The following PDE1C variants were observed in gnomAD, a reference collection of about 807,000 sequenced individuals.
PDE1C encodes the protein phosphodiesterase 1C.
A neutral mutation model predicts 93.1 loss-of-function variants in PDE1C; 62 were observed. The ratio of observed to expected loss-of-function variants is 0.67; its 90% CI spans 0.54 to 0.82. PDE1C has a LOEUF of 0.82. PDE1C is among the 40% of genes least tolerant of loss of function. PDE1C has a pLI of 0.00. For synonymous variants in PDE1C, 325 were observed against 310.1 expected, an observed-to-expected ratio of 1.05 and a Z score of -0.50; for missense variants, 742 against 884.6, an observed-to-expected ratio of 0.84 and a Z score of 2.04.
chr7:32,419,269 T>G (rs1431812205), intron 1 of PDE1C, among the ~76,000 whole-genome samples: 6 of 152,220 alleles, frequency 3.9e-5, no homozygotes, highest in Non-Finnish European at 2.9e-5. Flanking sequence ...AATTCATATA[T>G]TGTTCAAGTT....
the PDE1C span, chr7:31,643,247 G>A: frequency 1.2e-6 from 2 of 1,613,792 alleles, no homozygotes; most frequent in Non-Finnish European, 1.7e-6. Context: ...AGTGGATTCT[G>A]TCCTCACACC....
chr7:31,699,393 A>AT, the PDE1C span, among the ~76,000 whole-genome samples: 2 of 152,160 alleles, frequency 1.3e-5, no homozygotes, highest in Non-Finnish European at 2.9e-5. Flanking sequence ...TTCACAGAGG[A>AT]TTTTTTGGCA....
At chr7:32,082,455 C>G (rs961145713) in intron 3 of PDE1C, among the ~76,000 whole-genome samples, 3 of 152,386 alleles carry the variant, frequency 2.0e-5, no homozygotes, top group African/African-American at 7.2e-5. Flanking sequence ...AACAAAAAGA[C>G]AGCAGTAAAC....
rs115346178 is a variant in PDE1C, at chr7:32,168,764, C to T, written c.308+1021G>A. 1.0e-2 allele frequency among the ~76,000 whole-genome samples: 1,521 copies of T among 152,318 alleles called. 28 individuals are homozygous for T. Among genetic ancestry groups the T allele is most frequent in the African/African-American group, 0.034 (1,429 of 41,560 alleles). On this transcript the variant is annotated intron_variant, in intron 3 of 18. Coordinates refer to the PDE1C transcript ENST00000396193. ...AAGAAATCCAAACCCCTATTTAGCA[C>T]TCCTTTCAGAACTCATCTGTAATTC...
At chr7:32,140,439 T>C (rs918509928) in intron 3 of PDE1C, among the ~76,000 whole-genome samples, 4 of 152,234 alleles carry the variant, frequency 2.6e-5, no homozygotes, top group Admixed American at 2.0e-4. Context: ...TTTCACATCA[T>C]CTGTGGATTC....
chr7:31,872,315 T>G (rs1296998035), intron 6 of PDE1C, among the ~76,000 whole-genome samples: 1 of 152,082 alleles, frequency 6.6e-6, no homozygotes, highest in Non-Finnish European at 1.5e-5. Context: ...TAATGTTCAG[T>G]AGCAGAATAG....
chr7:32,032,532 C>T (rs76013699), intron 2 of PDE1C, among the ~76,000 whole-genome samples: 1 of 152,276 alleles, frequency 6.6e-6, no homozygotes, highest in African/African-American at 2.4e-5. Flanking sequence ...CCAAAAGGCA[C>T]ATGTAAATAC....
chr7:32,291,117 A>C lies in PDE1C; in HGVS notation c.85+7534T>G, dbSNP rs552201366. The stretch of plus-strand genomic sequence containing the variant: ...TAACACCCTAGGAGGTAGGTAATAT[A>C]ATTGTCTACATTTAACAGATGAGCA... On this transcript the variant is annotated intron_variant, in intron 1 of 18. Coordinates refer to the PDE1C transcript ENST00000396193. Among the ~76,000 whole-genome samples, 141 of 152,346 alleles carry C rather than the reference A, an allele frequency of 9.3e-4. 1 individual carries two copies. Among genetic ancestry groups the C allele is most frequent in the African/African-American group, 3.2e-3 (134 of 41,588 alleles).
upstream of PDE1C, chr7:32,070,746 A>T (rs559047581): frequency 7.5e-5 from 81 of 1,076,874 alleles, no homozygotes; most frequent in South Asian, 2.3e-3. Flanking sequence ...CCCCAAACAA[A>T]GCCACAGAAG....
At chr7:32,131,175 T>A (rs185983828) in intron 3 of PDE1C, among the ~76,000 whole-genome samples, 26 of 152,208 alleles carry the variant, frequency 1.7e-4, no homozygotes, top group Non-Finnish European at 2.6e-4. Flanking sequence ...CCTTTCAAAA[T>A]TTTTCTTGAA....
chr7:31,797,199 G>A (rs144213756), intron 16 of PDE1C, among the ~76,000 whole-genome samples: 4 of 151,766 alleles, frequency 2.6e-5, no homozygotes, highest in African/African-American at 7.2e-5. Context: ...TTCTTATGAC[G>A]ACTTAATTGG....
Position 31,865,312 on chromosome 7 carries a change from T to C in PDE1C, c.610-230A>G, listed in dbSNP as rs866189800. 5.4e-4 allele frequency among the ~76,000 whole-genome samples: 82 copies of C among 152,216 alleles called. 1 individual carries two copies. Among genetic ancestry groups the C allele is most frequent in the African/African-American group, 1.9e-3 (80 of 41,452 alleles). ...CTTGTAAATTTTTCTTTGTTGCTCATTTTAGAATCCCTGAGAAATGACATC... is the reference window on the plus strand; with the variant it reads ...CTTGTAAATTTTTCTTTGTTGCTCACTTTAGAATCCCTGAGAAATGACATC... On this transcript the variant is annotated intron_variant, in intron 6 of 17. Coordinates refer to ENST00000396191, the MANE Select transcript of PDE1C (RefSeq NM_001191057.4).
chr7:32,338,438 T>C (rs1241051160), intron 1 of PDE1C, among the ~76,000 whole-genome samples: 1 of 152,116 alleles, frequency 6.6e-6, no homozygotes, highest in East Asian at 1.9e-4. Context: ...ACACACTCAC[T>C]AGGATGGCTA....
chr7:31,952,032 C>T (rs1807444977), intron 2 of PDE1C, among the ~76,000 whole-genome samples: 1 of 152,168 alleles, frequency 6.6e-6, no homozygotes, highest in South Asian at 2.1e-4. Flanking sequence ...CCTTACATTA[C>T]TTCATAAATC....
intron 1 of PDE1C, among the ~76,000 whole-genome samples, chr7:32,251,118 A>G (rs11975968): frequency 0.16 from 25,083 of 152,282 alleles, 2,262 homozygotes; most frequent in East Asian, 0.3. Context: ...TAACTTCTTT[A>G]AACTGTGGCA....
intron 2 of PDE1C, among the ~76,000 whole-genome samples, chr7:32,014,664 T>A (rs546645776): frequency 6.6e-6 from 1 of 152,180 alleles, no homozygotes; most frequent in African/African-American, 2.4e-5. Flanking sequence ...CCTGTGTCCA[T>A]GTGTTCTCAT....
At chr7:31,656,028 TCTCACCAGTAA>T in the PDE1C span, 1 of 984,508 alleles carries the variant, frequency 1.0e-6, no homozygotes, top group Non-Finnish European at 1.2e-6. Flanking sequence ...AAATGAAGTA[TCTCACCAGTAA>T]GTCCTAGGGC....
At chr7:31,681,834 C>T in the PDE1C span, among the ~76,000 whole-genome samples, 1 of 152,170 alleles carries the variant, frequency 6.6e-6, no homozygotes, top group Admixed American at 6.5e-5. Context: ...CAGAGAAGTC[C>T]ACACATTGGT....
chr7:32,246,135 A>T (rs1808928972), intron 1 of PDE1C, among the ~76,000 whole-genome samples: 3 of 151,644 alleles, frequency 2.0e-5, no homozygotes, highest in Admixed American at 2.0e-4. Context: ...CTCCCAGCTA[A>T]TTTTTTTATT....
Sources: gnomAD v4.1 joint callset for allele counts (sites outside exome capture counted in the v4.1 genomes callset) on GRCh38, gnomAD v4.1.1 for gene constraint, MANE v1.5 for transcripts, NCBI Gene and HGNC (gene_info 2026-07-23, HGNC 2026-07-21) for gene names.